AGRN: variants seen among roughly 807,000 people sequenced by gnomAD.
AGRN encodes the protein agrin proteoglycan.
A neutral mutation model predicts 211.0 loss-of-function variants in AGRN; 106 were observed. That is an observed-to-expected ratio of 0.50 (90% CI 0.43 to 0.59). The LOEUF (loss-of-function observed/expected upper bound fraction) is 0.59, where lower values mean the gene tolerates loss of function less well. AGRN is among the 20% of genes least tolerant of loss of function. The probability of loss-of-function intolerance (pLI) is 0.00; values close to 1 mark genes in which losing one functional copy is unlikely to be tolerated. For synonymous variants in AGRN, 1,525 were observed against 1,332.5 expected (o/e 1.14, Z -3.15); for missense variants, 3,040 against 2,982.6 (o/e 1.02, Z -0.45).
chr1:1,053,640 G>C, intron 33 of AGRN, 113 bp from the exon 34 acceptor site: 2 of 1,490,594 alleles, frequency 1.3e-6, no homozygotes, highest in South Asian at 1.2e-5. Context: ...GCCACCCCTG[G>C]GTCCCGTCAC....
rs763868404 is a variant in AGRN at position 1,050,065 on chromosome 1, G to GT, written c.4879+28_4879+29insT. On this transcript the variant is annotated intron_variant, in intron 27 of 35. Coordinates refer to ENST00000379370, the MANE Select transcript of AGRN (RefSeq NM_198576.4). ...CGGGGGCGTGGGGCTCTCGGGGCAGGGGGGGGGGGGGGGTTGAACGTTTGG... is the reference window on the plus strand; with the variant it reads ...CGGGGGCGTGGGGCTCTCGGGGCAGGTGGGGGGGGGGGGGTTGAACGTTTGG... 968 of 1,300,260 alleles carry GT rather than the reference G, an allele frequency of 7.4e-4. 14 individuals are homozygous for GT. The highest frequency in any genetic ancestry group is 1.4e-3 in the South Asian group (104 of 75,328). The allele number at this position is 1,300,260 out of a possible 1,614,324, so 80.5% of individuals were successfully genotyped here.
Position 1,048,100 on chromosome 1 carries a change from G to T in AGRN, c.3840G>T (p.Pro1280=), listed in dbSNP as rs768974182. Residue 1280 remains proline (P), a synonymous_variant, in exon 23 of 36, where the codon CCG becomes CCT. Coordinates refer to ENST00000379370, the MANE Select transcript of AGRN (RefSeq NM_198576.4). This position sits in a 1 kb window ranked among gnomAD's most constrained non-coding sequence, Gnocchi z 5.9. Reference sequence around the variant, plus strand: ...GAGCCACCACTGCATCGCGCCTGCCGTCCTCTGCTGTGACCCCTCGGGCCC... The same window carrying T: ...GAGCCACCACTGCATCGCGCCTGCCTTCCTCTGCTGTGACCCCTCGGGCCC... ...TARATTASRL[P]SSAVTPRAPH... is the part of the protein sequence containing the mutation. 1 of 1,569,774 alleles carries T rather than the reference G, an allele frequency of 6.4e-7. No homozygotes were observed. The highest frequency in any genetic ancestry group is 8.6e-7 in the Non-Finnish European group (1 of 1,165,380).
At position 1,048,202 on chromosome 1, in the gene AGRN, C is replaced by A; in HGVS notation, c.3942C>A (p.Ala1314=). The change falls in exon 23 of 36, where the codon GCC becomes GCA. Residue 1314 remains alanine, a synonymous_variant. Coordinates refer to ENST00000379370, the MANE Select transcript of AGRN (RefSeq NM_198576.4). The surrounding 1 kb of genome is among the most constrained non-coding windows in gnomAD (Gnocchi z 5.9). ...APTTRRPPTT[A]PSRVPGRRPP... is the part of the protein sequence containing the mutation. ...CCACACGTCGGCCCCCCACCACTGC[C>A]CCCAGCCGTGTGCCCGGACGTCGGC... 1 of 1,561,268 alleles carries A rather than the reference C, an allele frequency of 6.4e-7. No individual in the cohort carries two copies. Among genetic ancestry groups the A allele is most frequent in the Non-Finnish European group, 8.7e-7 (1 of 1,155,758 alleles).
Position 1,053,862 on chromosome 1 carries a change from C to T in AGRN, c.5761C>T (p.Leu1921=), listed in dbSNP as rs766112771. The part of the protein sequence containing the change: ...KATERADYVA[L]AIVDGHLQLS... Reference sequence around the variant, plus strand: ...CACGGAGCGGGCAGACTATGTGGCACTGGCCATTGTGGACGGGCACCTGCA... The same window carrying T: ...CACGGAGCGGGCAGACTATGTGGCATTGGCCATTGTGGACGGGCACCTGCA... The change falls in exon 34 of 36, where the codon CTG becomes TTG. Residue 1921 remains leucine, a synonymous_variant. Coordinates refer to ENST00000379370, the MANE Select transcript of AGRN (RefSeq NM_198576.4). 3.1e-6 allele frequency: 5 copies of T among 1,610,432 alleles called. No individual in the cohort carries two copies. Among genetic ancestry groups the T allele is most frequent in the East Asian group, 2.2e-5 (1 of 44,804 alleles).
At chr1:1,029,405 A>AGGTGGGGGGATCAGTGTCTATGCAGGCC (rs1644598298) in intron 2 of AGRN, among the ~76,000 whole-genome samples, 1 of 94,126 alleles carries the variant, frequency 1.1e-5, no homozygotes. Context: ...CTATGCAGGC[A>AGGTGGGGGGATCAGTGTCTATGCAGGCC]GGTGGGGGGG....
rs186812808 is a variant in AGRN, at chr1:1,045,347, C to A, written c.2372-12C>A. On this transcript the variant is annotated splice_polypyrimidine_tract_variant and intron_variant, in intron 13 of 35. Transcript: ENST00000379370. ...TGCGGCCACGTGACCTTGTCCTGCC[C>A]TGGCCTTTCAGGTGCCTGCCAGTGC... 6.4e-5 allele frequency: 103 copies of A among 1,611,918 alleles called. No homozygotes were observed. The African/African-American group carries it at 1.3e-3, about 20-fold the overall frequency.
At chr1:1,030,914 C>CTGAG (rs1644656934) in intron 2 of AGRN, among the ~76,000 whole-genome samples, 1 of 34,548 alleles carries the variant, frequency 2.9e-5, no homozygotes, top group Non-Finnish European at 7.2e-5. Flanking sequence ...GTGCATGGTG[C>CTGAG]TGTGAGATCA....
At chr1:1,053,629 A>G in intron 33 of AGRN, 124 bp from the exon 34 acceptor site, 2 of 1,488,806 alleles carry the variant, frequency 1.3e-6, no homozygotes, top group Non-Finnish European at 1.8e-6. Flanking sequence ...TCTGCCCACC[A>G]GCCACCCCTG....
chr1:1,042,528 T>G (rs996056711), intron 7 of AGRN, among the ~76,000 whole-genome samples: 7 of 152,198 alleles, frequency 4.6e-5, no homozygotes, highest in Non-Finnish European at 7.4e-5. Flanking sequence ...TCGGCCGTTT[T>G]GGAGGCAGTG....
In AGRN at chr1:1,050,063, AGGG is replaced by A. The variant is rs71576592; in HGVS notation, c.4879+39_4879+41del. On this transcript the variant is annotated intron_variant, in intron 27 of 35. Coordinates refer to ENST00000379370, the MANE Select transcript of AGRN (RefSeq NM_198576.4). ...GTCGGGGGCGTGGGGCTCTCGGGGC[AGGG>A]GGGGGGGGGGGGTTGAACGTTTGGG... 2.6e-4 allele frequency: 265 copies of A among 1,027,260 alleles called. 2 individuals carry two copies. The African/African-American group carries it at 3.0e-3, about 12-fold the overall frequency. The allele number at this position is 1,027,260 out of a possible 1,614,324, so 63.6% of individuals were successfully genotyped here.
chr1:1,045,413 C>T lies in AGRN; in HGVS notation c.2426C>T (p.Thr809Ile), dbSNP rs1366119256. 16 of 1,611,944 alleles carry T rather than the reference C, an allele frequency of 9.9e-6. No homozygotes were observed. The highest frequency in any genetic ancestry group is 1.2e-5 in the Non-Finnish European group (14 of 1,179,768). The change falls in exon 14 of 36, where the codon ACA (threonine) becomes ATA (isoleucine). Residue 809 changes from threonine to isoleucine, a missense_variant. By Grantham distance (89) the Thr-to-Ile change is moderately conservative. Transcript: ENST00000379370. ...GSYGGTCDPA[T>I]GQCSCRPGVG... The stretch of plus-strand genomic sequence containing the variant: ...TACGGCGGCACCTGTGACCCAGCCA[C>T]AGGCCAGTGCTCCTGCCGCCCAGGT...
chr1:1,052,419 G>A, intron 33 of AGRN: 1 of 310,020 alleles, frequency 3.2e-6, no homozygotes, highest in Non-Finnish European at 6.3e-6. Context: ...ATATGTGGGG[G>A]GGACATGTAG....
intron 2 of AGRN, among the ~76,000 whole-genome samples, chr1:1,030,548 G>A (rs537689539): frequency 3.3e-5 from 3 of 90,790 alleles, no homozygotes; most frequent in Non-Finnish European, 4.7e-5. Context: ...TGTGTGCAGC[G>A]CATGGTGCTG....
chr1:1,043,142 C>T (rs951820750), intron 7 of AGRN, 97 bp from the exon 8 acceptor site: 33 of 1,326,566 alleles, frequency 2.5e-5, no homozygotes, highest in Middle Eastern at 2.0e-4. Flanking sequence ...CCTCCACCAT[C>T]CCCTCCCTGG....
rs544614011 is a variant in AGRN, at chr1:1,041,467, T to C, written c.953-11T>C. 2 of 1,584,804 alleles carry C rather than the reference T, an allele frequency of 1.3e-6. No homozygotes were observed. Among genetic ancestry groups the C allele is most frequent in the Non-Finnish European group, 1.7e-6 (2 of 1,173,146 alleles). On this transcript the variant is annotated splice_polypyrimidine_tract_variant and intron_variant, in intron 5 of 35. Transcript: ENST00000379370. The stretch of plus-strand genomic sequence containing the variant: ...GGCGACAGCGTCCTGACTCCTGCCC[T>C]CGACCCCCAGACCCCTGTCAGGGCG...
chr1:1,024,857 C>T (rs1449609024), intron 2 of AGRN, among the ~76,000 whole-genome samples: 1 of 152,230 alleles, frequency 6.6e-6, no homozygotes, highest in Non-Finnish European at 1.5e-5. Context: ...CTCTGCGCCA[C>T]CTTTGGGCGG....
chr1:1,049,233 C>T lies in AGRN; in HGVS notation c.4299-3C>T. 6.3e-7 allele frequency: 1 copy of T among 1,576,644 alleles called. No individual in the cohort carries two copies. The highest frequency in any genetic ancestry group is 8.6e-7 in the Non-Finnish European group (1 of 1,167,568). The stretch of plus-strand genomic sequence containing the variant: ...GGTCCTGAGCACCTGCTCCTGCCCT[C>T]AGGTTTGACACAGGTTCGGGGCCGG... On this transcript the variant is annotated splice_polypyrimidine_tract_variant and splice_region_variant and intron_variant, in intron 24 of 35. Coordinates refer to ENST00000379370, the MANE Select transcript of AGRN (RefSeq NM_198576.4).
At position 1,050,747 on chromosome 1, in the gene AGRN, G is replaced by A. The variant is rs146855689; in HGVS notation, c.5163G>A (p.Leu1721=). The A allele has an allele frequency of 1.9e-6, 3 of 1,603,550 alleles. No individual in the cohort carries two copies. The highest frequency in any genetic ancestry group is 2.5e-6 in the Non-Finnish European group (3 of 1,177,542). ...AVIRSREPVT[L]GAWTRVSLER... Reference sequence around the variant, plus strand: ...CCAGGAGCAGGGAGCCAGTCACCCTGGGAGCCTGGACCAGGGTCTCACTGG... The same window carrying A: ...CCAGGAGCAGGGAGCCAGTCACCCTAGGAGCCTGGACCAGGGTCTCACTGG... Residue 1721 remains leucine (L), a synonymous_variant, in exon 30 of 36, where the codon CTG becomes CTA. Coordinates refer to ENST00000379370, the MANE Select transcript of AGRN (RefSeq NM_198576.4).
In AGRN at chr1:1,022,355, C is replaced by T. The variant is rs760057776; in HGVS notation, c.356C>T (p.Pro119Leu). 11 of 1,613,270 alleles carry T rather than the reference C, an allele frequency of 6.8e-6. No homozygotes were observed. Among genetic ancestry groups the T allele is most frequent in the Middle Eastern group, 1.6e-4 (1 of 6,084 alleles). The change falls in exon 2 of 36, where the codon CCT (proline) becomes CTT (leucine). Residue 119 changes from proline to leucine, a missense_variant. Coordinates refer to ENST00000379370, the MANE Select transcript of AGRN (RefSeq NM_198576.4). ...TGDTRIFFVN[P>L]APPYLWPAHK... ...GACACCAGGATCTTCTTTGTGAACCCTGCACCCCCATACCTGTGGCCAGCC... is the reference window on the plus strand; with the variant it reads ...GACACCAGGATCTTCTTTGTGAACCTTGCACCCCCATACCTGTGGCCAGCC...
Sources: allele counts gnomAD v4.1 joint callset (sites outside exome capture counted in the v4.1 genomes callset), GRCh38; gene constraint gnomAD v4.1.1; non-coding constraint Gnocchi (gnomAD v3.1); transcripts MANE v1.5; gene names NCBI Gene and HGNC (gene_info 2026-07-23, HGNC 2026-07-21).